KATNAL1: variants seen among roughly 807,000 people sequenced by gnomAD.
KATNAL1 encodes katanin catalytic subunit A1 like 1.
A neutral mutation model predicts 55.2 loss-of-function variants in KATNAL1; 32 were observed. The observed-to-expected ratio is 0.58, with a 90% CI of 0.44 to 0.78. The LOEUF (loss-of-function observed/expected upper bound fraction) is 0.78. Ranked by LOEUF, KATNAL1 falls within the 30% of genes least tolerant of loss-of-function variation. The pLI is 0.00. For synonymous variants in KATNAL1, 193 were observed against 193.6 expected, an observed-to-expected ratio of 1.00 and a Z score of 0.02; for missense variants, 466 against 600.9, an observed-to-expected ratio of 0.78 and a Z score of 2.35.
At chr13:30,262,913 C>T (rs1285108311) in intron 3 of KATNAL1, among the ~76,000 whole-genome samples, 1 of 151,930 alleles carries the variant, frequency 6.6e-6, no homozygotes, top group Non-Finnish European at 1.5e-5. Context: ...AGAGACACAC[C>T]CAAAAAAGAG....
At chr13:30,217,586 TG>T (rs35093569) in intron 9 of KATNAL1, among the ~76,000 whole-genome samples, 25,538 of 152,122 alleles carry the variant, frequency 0.17, 2,498 homozygotes, top group East Asian at 0.35. Flanking sequence ...TTTAAATAAA[TG>T]TTGTTAGAGG....
At chr13:30,247,944 T>C (rs1877943999) in intron 4 of KATNAL1, among the ~76,000 whole-genome samples, 1 of 152,156 alleles carries the variant, frequency 6.6e-6, no homozygotes, top group Non-Finnish European at 1.5e-5. Context: ...AAAAAACATA[T>C]ACGGCTATTA....
intron 9 of KATNAL1, among the ~76,000 whole-genome samples, chr13:30,223,165 C>T (rs903821673): frequency 6.6e-6 from 1 of 151,704 alleles, no homozygotes; most frequent in Non-Finnish European, 1.5e-5. Context: ...TCTATAAAAA[C>T]TGCACTGTAC....
rs116898536 is a variant in KATNAL1, at chr13:30,283,628, G to A, written c.150C>T (p.Gly50=). 5.1e-4 allele frequency: 826 copies of A among 1,613,592 alleles called. No individual in the cohort carries two copies. The highest frequency in any genetic ancestry group is 6.6e-4 in the Middle Eastern group (4 of 6,062). Residue 50 remains glycine (G), a synonymous_variant, in exon 2 of 11, where the codon GGC becomes GGT. Coordinates refer to ENST00000380615, the MANE Select transcript of KATNAL1 (RefSeq NM_032116.5). ...AATACCATCTTACCTGTTGCCATTTGCCTTTGATAGCTGGATCTCTGACTG... is the reference window on the plus strand; with the variant it reads ...AATACCATCTTACCTGTTGCCATTTACCTTTGATAGCTGGATCTCTGACTG... ...CQSVRDPAIK[G]KWQQVRQELL...
At position 30,207,344 on chromosome 13, in the gene KATNAL1, T is replaced by C. The variant is rs967556126; in HGVS notation, c.*1196A>G. On this transcript the variant is annotated 3_prime_UTR_variant, in exon 11 of 11. Transcript: ENST00000380615. Reference sequence around the variant, plus strand: ...TCAGATTTCTATCTTTATCTTAGTGTGTGTAAAAGTTCTCAACCTAGACAA... The same window carrying C: ...TCAGATTTCTATCTTTATCTTAGTGCGTGTAAAAGTTCTCAACCTAGACAA... 6.6e-6 allele frequency: 1 copy of C among 152,218 alleles called. No homozygotes were observed. The highest frequency in any genetic ancestry group is 2.1e-4 in the South Asian group (1 of 4,832). 9.4% of individuals were successfully genotyped at this position (152,218 alleles called of 1,614,324 possible).
chr13:30,298,861 T>C (rs570208634), intron 1 of KATNAL1, among the ~76,000 whole-genome samples: 17 of 152,222 alleles, frequency 1.1e-4, no homozygotes, highest in African/African-American at 1.9e-4. Flanking sequence ...AGATCCATCA[T>C]GTATGTCTAT....
chr13:30,223,332 C>G lies in KATNAL1; in HGVS notation c.1147+4080G>C, dbSNP rs1304571864. Among the ~76,000 whole-genome samples, 3 of 149,726 alleles carry G rather than the reference C, an allele frequency of 2.0e-5. No homozygotes were observed. In the East Asian group the frequency reaches 5.9e-4, roughly 29 times the overall value. ...TGGCAGGCGCCTGTGGTCCCAGCTA[C>G]TCGGGAGGCTGAGGCAGGAGAATGG... On this transcript the variant is annotated intron_variant, in intron 9 of 10. Transcript: ENST00000380615.
chr13:30,246,397 G>A (rs1447101156), intron 4 of KATNAL1, among the ~76,000 whole-genome samples: 1 of 152,174 alleles, frequency 6.6e-6, no homozygotes, highest in Non-Finnish European at 1.5e-5. Flanking sequence ...ATTAACTCAA[G>A]ATGGATTTAA....
At chr13:30,275,071 TTTTG>T (rs997966130) in intron 3 of KATNAL1, among the ~76,000 whole-genome samples, 16 of 152,272 alleles carry the variant, frequency 1.1e-4, no homozygotes, top group African/African-American at 3.9e-4. Flanking sequence ...TGTTTTTGTT[TTTTG>T]TTTGTTTTTG....
At chr13:30,260,051 G>A (rs1158047064) in intron 3 of KATNAL1, among the ~76,000 whole-genome samples, 1 of 152,224 alleles carries the variant, frequency 6.6e-6, no homozygotes, top group East Asian at 1.9e-4. Context: ...GCCTCCTCAA[G>A]TGGGTCCCTG....
intron 4 of KATNAL1, among the ~76,000 whole-genome samples, chr13:30,250,776 T>C (rs920926083): frequency 6.6e-6 from 1 of 152,238 alleles, no homozygotes; most frequent in Non-Finnish European, 1.5e-5. Flanking sequence ...GAAGCATATA[T>C]AGCTTTAATC....
At chr13:30,239,684 G>GTTTTTTT (rs1566100241) in intron 6 of KATNAL1, among the ~76,000 whole-genome samples, 1 of 128,394 alleles carries the variant, frequency 7.8e-6, no homozygotes, top group Non-Finnish European at 1.6e-5. Context: ...ATACAGAAGT[G>GTTTTTTT]ATTTTTTTTT....
At chr13:30,210,527 A>C in intron 9 of KATNAL1, 85 bp from the exon 10 acceptor site, 1 of 1,255,368 alleles carries the variant, frequency 8.0e-7, no homozygotes, top group Non-Finnish European at 1.1e-6. Flanking sequence ...ATTTGGGGGA[A>C]AAATGAGGCC....
chr13:30,274,952 C>CACACACACACAG (rs1555265663), intron 3 of KATNAL1, among the ~76,000 whole-genome samples: 1 of 144,492 alleles, frequency 6.9e-6, no homozygotes, highest in Admixed American at 6.9e-5. Flanking sequence ...CACACACACA[C>CACACACACACAG]AGGAATATTA....
intron 1 of KATNAL1, among the ~76,000 whole-genome samples, chr13:30,297,260 A>G (rs1566136194): frequency 6.6e-6 from 1 of 152,092 alleles, no homozygotes; most frequent in Non-Finnish European, 1.5e-5. Flanking sequence ...AGCCACCCCA[A>G]CCTTCAGCAA....
intron 8 of KATNAL1, among the ~76,000 whole-genome samples, chr13:30,228,405 T>C (rs1247991662): frequency 2.0e-5 from 3 of 151,558 alleles, no homozygotes; most frequent in Non-Finnish European, 4.4e-5. Context: ...CTGAAACATA[T>C]AATATTTTCT....
chr13:30,255,515 T>C lies in KATNAL1; in HGVS notation c.424A>G (p.Ile142Val), dbSNP rs369032894. 2.2e-5 allele frequency: 35 copies of C among 1,600,384 alleles called. No individual in the cohort carries two copies. Among genetic ancestry groups the C allele is most frequent in the East Asian group, 4.6e-5 (2 of 43,642 alleles). The change falls in exon 4 of 11, where the codon ATA becomes GTA. Residue 142 changes from isoleucine to valine, a missense_variant. Physicochemically the swap from Ile to Val is conservative, Grantham distance 29. This residue lies in a region of KATNAL1 where 248 missense variants were observed against 275.5 expected (regional missense o/e 0.90). Coordinates refer to ENST00000380615, the MANE Select transcript of KATNAL1 (RefSeq NM_032116.5). The stretch of plus-strand genomic sequence containing the variant: ...GTAGAAGGCTTTTCACTCTTTGATA[T>C]AGGATGTGCTCGGCCTACAGGTCCC... ...ARGPVGRAHPISKSEKPSTSR... is the reference protein window; with the variant it reads ...ARGPVGRAHPVSKSEKPSTSR...
chr13:30,220,298 TA>T (rs1382241498), intron 9 of KATNAL1, among the ~76,000 whole-genome samples: 1 of 152,014 alleles, frequency 6.6e-6, no homozygotes, highest in African/African-American at 2.4e-5. Flanking sequence ...CCGTCTCTAC[TA>T]AAAATACCAA....
chr13:30,228,670 T>C (rs538234946), intron 8 of KATNAL1, among the ~76,000 whole-genome samples: 20 of 152,350 alleles, frequency 1.3e-4, no homozygotes, highest in African/African-American at 4.8e-4. Context: ...TCATAGTACA[T>C]TGTAAGTATT....
Sources: gnomAD v4.1 joint callset for allele counts (sites outside exome capture counted in the v4.1 genomes callset) on GRCh38, gnomAD v4.1.1 for gene constraint, gnomAD v4.1.1 regional missense constraint, MANE v1.5 for transcripts, NCBI Gene and HGNC (gene_info 2026-07-23, HGNC 2026-07-21) for gene names.